The following NSMCE2 variants were observed in gnomAD, a reference collection of about 807,000 sequenced individuals.
NSMCE2 encodes NSE2 SUMO ligase component of SMC5/6 complex.
Under a neutral mutation model 23.8 loss-of-function variants are expected in NSMCE2, and 24 were observed. That is an observed-to-expected ratio of 1.01 (90% CI 0.73 to 1.42). The LOEUF (loss-of-function observed/expected upper bound fraction) is 1.42. Among genes scored for constraint, NSMCE2 ranks in the 40% most tolerant of loss-of-function variants. NSMCE2 has a pLI of 0.00. For missense variants in NSMCE2, 284 were observed against 296.5 expected (o/e 0.96, Z 0.31); for synonymous variants, 92 against 94.1 (o/e 0.98, Z 0.13).
intron 5 of NSMCE2, among the ~76,000 whole-genome samples, chr8:125,341,730 C>T (rs1325075732): frequency 6.6e-6 from 1 of 151,988 alleles, no homozygotes; most frequent in Admixed American, 6.5e-5. Flanking sequence ...CCTACCCTCC[C>T]GAAGTCCATT....
intron 3 of NSMCE2, among the ~76,000 whole-genome samples, chr8:125,148,044 A>G (rs537594301): frequency 9.9e-5 from 15 of 152,102 alleles, no homozygotes; most frequent in Non-Finnish European, 2.1e-4. Context: ...CACTGCTTCC[A>G]GGTGTGCTGT....
At chr8:125,199,825 A>G (rs201109459) in intron 5 of NSMCE2, among the ~76,000 whole-genome samples, 1 of 151,992 alleles carries the variant, frequency 6.6e-6, no homozygotes, top group South Asian at 2.1e-4. Context: ...CTCTTTGTAG[A>G]TCTCTAAGGA....
intron 3 of NSMCE2, among the ~76,000 whole-genome samples, chr8:125,118,218 C>A (rs529659111): frequency 1.2e-4 from 18 of 152,166 alleles, no homozygotes; most frequent in African/African-American, 4.3e-4. Flanking sequence ...TGGTGGCACA[C>A]GCCTCTAGTC....
intron 5 of NSMCE2, among the ~76,000 whole-genome samples, chr8:125,291,953 C>T (rs895634471): frequency 6.6e-6 from 1 of 152,100 alleles, no homozygotes; most frequent in Non-Finnish European, 1.5e-5. Context: ...GACCCAGGCT[C>T]TTTCCATCTT....
chr8:125,196,078 A>G (rs774746442), intron 5 of NSMCE2, among the ~76,000 whole-genome samples: 9 of 150,954 alleles, frequency 6.0e-5, no homozygotes, highest in Non-Finnish European at 1.2e-4. Context: ...ACTGGGTTTC[A>G]CCGTGTTGGC....
intron 3 of NSMCE2, among the ~76,000 whole-genome samples, chr8:125,114,608 G>A (rs1400666525): frequency 1.3e-5 from 2 of 152,158 alleles, no homozygotes; most frequent in Admixed American, 6.5e-5. Flanking sequence ...GTCACAACTC[G>A]GGGATGCGGG....
intron 4 of NSMCE2, among the ~76,000 whole-genome samples, chr8:125,159,617 A>G (rs187871669): frequency 6.6e-6 from 1 of 152,142 alleles, no homozygotes; most frequent in Non-Finnish European, 1.5e-5. Context: ...GTGCATGACT[A>G]TACAGGGTTT....
intron 5 of NSMCE2, among the ~76,000 whole-genome samples, chr8:125,333,532 T>TTTTTTTG (rs1829959667): frequency 7.9e-6 from 1 of 126,906 alleles, no homozygotes. Context: ...TTTTTTTTTT[T>TTTTTTTG]GAGACGGAGT....
At chr8:125,286,315 A>ATT (rs57559309) in intron 5 of NSMCE2, among the ~76,000 whole-genome samples, 16 of 148,358 alleles carry the variant, frequency 1.1e-4, no homozygotes, top group African/African-American at 3.8e-4. Context: ...CCTTTTATTT[A>ATT]TTTTTTTTTT....
At chr8:125,347,675 A>G (rs1325999391) in intron 5 of NSMCE2, among the ~76,000 whole-genome samples, 1 of 152,232 alleles carries the variant, frequency 6.6e-6, no homozygotes, top group Admixed American at 6.5e-5. Context: ...CAACAGAATA[A>G]GAAAGAAGTT....
chr8:125,107,009 C>CA (rs778398135), intron 3 of NSMCE2, among the ~76,000 whole-genome samples: 25 of 150,224 alleles, frequency 1.7e-4, no homozygotes, highest in African/African-American at 4.4e-4. Flanking sequence ...AAAAAAACAA[C>CA]AAAAAAAAAC....
At chr8:125,268,069 A>T (rs888212521) in intron 5 of NSMCE2, among the ~76,000 whole-genome samples, 13 of 135,852 alleles carry the variant, frequency 9.6e-5, no homozygotes, top group East Asian at 4.2e-4. Context: ...ATCTCTATTT[A>T]AAAAAAAAAA....
chr8:125,204,686 A>C (rs896255730), intron 5 of NSMCE2, among the ~76,000 whole-genome samples: 2 of 152,154 alleles, frequency 1.3e-5, no homozygotes, highest in African/African-American at 4.8e-5. Flanking sequence ...GAAAATTCCT[A>C]CTGCAGAGAT....
At chr8:125,234,886 G>A (rs762020159) in intron 5 of NSMCE2, among the ~76,000 whole-genome samples, 3 of 151,838 alleles carry the variant, frequency 2.0e-5, no homozygotes, top group East Asian at 3.9e-4. Flanking sequence ...CCCATCCCCC[G>A]CCACCTCTGT....
At chr8:125,195,190 A>C (rs1823557620) in intron 5 of NSMCE2, among the ~76,000 whole-genome samples, 1 of 152,162 alleles carries the variant, frequency 6.6e-6, no homozygotes, top group Admixed American at 6.5e-5. Flanking sequence ...CCTAGGCGTC[A>C]ATATCAACTG....
intron 5 of NSMCE2, among the ~76,000 whole-genome samples, chr8:125,310,320 A>C (rs185131834): frequency 7.2e-5 from 11 of 152,166 alleles, no homozygotes; most frequent in African/African-American, 2.4e-4. Flanking sequence ...TTTGCTCCTC[A>C]GTTTTTTTTA....
chr8:125,335,471 C>T (rs1830039639), intron 5 of NSMCE2, among the ~76,000 whole-genome samples: 1 of 152,220 alleles, frequency 6.6e-6, no homozygotes, highest in African/African-American at 2.4e-5. Flanking sequence ...CTGCTGGATC[C>T]TTCCAAATAT....
chr8:125,093,303 C>T (rs950366750), intron 1 of NSMCE2, among the ~76,000 whole-genome samples: 3 of 152,142 alleles, frequency 2.0e-5, no homozygotes, highest in African/African-American at 7.2e-5. Flanking sequence ...CTCCTAATAC[C>T]ATCACCTTGG....
chr8:125,110,545 C>T (rs1005638473), intron 3 of NSMCE2, among the ~76,000 whole-genome samples: 2 of 152,142 alleles, frequency 1.3e-5, no homozygotes, highest in Middle Eastern at 3.2e-3. Context: ...CCCCACTTTA[C>T]ACATGAGAAA....
Sources: gnomAD v4.1 joint callset for allele counts (sites outside exome capture counted in the v4.1 genomes callset) on GRCh38, gnomAD v4.1.1 for gene constraint, MANE v1.5 for transcripts, NCBI Gene and HGNC (gene_info 2026-07-23, HGNC 2026-07-21) for gene names.